The following PRKN variants were observed in gnomAD, a reference collection of about 807,000 sequenced individuals.
PRKN encodes E3 ubiquitin-protein ligase parkin.
A neutral mutation model predicts 59.5 loss-of-function variants in PRKN; 56 were observed. The ratio of observed to expected loss-of-function variants is 0.94; its 90% CI spans 0.76 to 1.18. The LOEUF (loss-of-function observed/expected upper bound fraction) is 1.18, where lower values mean the gene tolerates loss of function less well. Among genes scored for constraint, PRKN ranks in the 50% most tolerant of loss-of-function variants. The pLI is 0.00. For synonymous variants in PRKN, 250 were observed against 222.1 expected, an observed-to-expected ratio of 1.13 and a Z score of -1.12; for missense variants, 657 against 596.4, an observed-to-expected ratio of 1.10 and a Z score of -1.06.
At chr6:162,057,931 T>C (rs1278686144) in intron 4 of PRKN, among the ~76,000 whole-genome samples, 1 of 152,174 alleles carries the variant, frequency 6.6e-6, no homozygotes, top group Admixed American at 6.5e-5. Context: ...ACAGAGGATT[T>C]TAATTATGAT....
At chr6:161,749,696 G>A (rs535976538) in intron 7 of PRKN, among the ~76,000 whole-genome samples, 7 of 152,110 alleles carry the variant, frequency 4.6e-5, no homozygotes, top group African/African-American at 1.4e-4. Flanking sequence ...CTGTAGTGGG[G>A]AGGAGGGGAA....
intron 2 of PRKN, among the ~76,000 whole-genome samples, chr6:162,336,178 A>C (rs1275332957): frequency 2.0e-5 from 3 of 152,058 alleles, no homozygotes; most frequent in Admixed American, 2.0e-4. Flanking sequence ...CCACTTATCT[A>C]ATCAGGTGTT....
intron 6 of PRKN, among the ~76,000 whole-genome samples, chr6:161,882,454 C>T (rs1251379471): frequency 6.6e-6 from 1 of 152,148 alleles, no homozygotes; most frequent in Non-Finnish European, 1.5e-5. Context: ...TCCCTCCGGG[C>T]CTTCCTGCAG....
chr6:161,732,481 T>TGTGTGTGTG (rs1554298354), intron 7 of PRKN, among the ~76,000 whole-genome samples: 46 of 130,294 alleles, frequency 3.5e-4, no homozygotes, highest in African/African-American at 2.1e-3. Context: ...GAGGTTTTTT[T>TGTGTGTGTG]TTTTTGTGTG....
chr6:162,688,561 T>C (rs371423708), intron 1 of PRKN, among the ~76,000 whole-genome samples: 12 of 152,254 alleles, frequency 7.9e-5, no homozygotes, highest in African/African-American at 2.6e-4. Context: ...AAAACAAAAT[T>C]TAACTGTTAC....
chr6:162,489,235 A>G (rs1792696070), intron 1 of PRKN, among the ~76,000 whole-genome samples: 1 of 152,194 alleles, frequency 6.6e-6, no homozygotes, highest in African/African-American at 2.4e-5. Flanking sequence ...AATTCAGTTA[A>G]TCTCTATGAA....
chr6:162,581,176 A>G (rs768130764), intron 1 of PRKN, among the ~76,000 whole-genome samples: 2 of 152,202 alleles, frequency 1.3e-5, no homozygotes, highest in Non-Finnish European at 2.9e-5. Flanking sequence ...TCCTTTCCCC[A>G]AAAGAATACC....
intron 10 of PRKN, among the ~76,000 whole-genome samples, chr6:161,382,725 G>A (rs779114643): frequency 5.9e-5 from 9 of 152,196 alleles, no homozygotes; most frequent in Admixed American, 2.0e-4. Context: ...CAGTTTCAAC[G>A]TAAAGCTTGT....
chr6:162,432,184 G>A (rs982865093), intron 2 of PRKN, among the ~76,000 whole-genome samples: 6 of 152,084 alleles, frequency 3.9e-5, no homozygotes, highest in Non-Finnish European at 4.4e-5. Context: ...GAACTCACCA[G>A]CTATATACAA....
chr6:162,320,692 T>C (rs773123075), intron 2 of PRKN, among the ~76,000 whole-genome samples: 36 of 151,782 alleles, frequency 2.4e-4, no homozygotes, highest in Non-Finnish European at 1.2e-4. Flanking sequence ...AGGCTAATCA[T>C]ATACCTCATA....
chr6:162,216,197 A>G (rs1315786106), intron 3 of PRKN, among the ~76,000 whole-genome samples: 4 of 152,064 alleles, frequency 2.6e-5, no homozygotes, highest in Non-Finnish European at 5.9e-5. Flanking sequence ...TTCCAAACTA[A>G]TTAAACAATC....
intron 2 of PRKN, among the ~76,000 whole-genome samples, chr6:162,366,451 T>A (rs543670631): frequency 1.3e-5 from 2 of 152,268 alleles, no homozygotes; most frequent in South Asian, 4.1e-4. Context: ...TAAAAAATAG[T>A]CATGGTGGAC....
chr6:162,058,439 G>A (rs904833948), intron 4 of PRKN, among the ~76,000 whole-genome samples: 2 of 152,186 alleles, frequency 1.3e-5, no homozygotes, highest in Non-Finnish European at 2.9e-5. Flanking sequence ...AGATGCCTGT[G>A]CCAAGCTCTG....
chr6:161,822,245 G>C (rs756398652), intron 6 of PRKN, among the ~76,000 whole-genome samples: 4 of 152,128 alleles, frequency 2.6e-5, no homozygotes, highest in Admixed American at 6.5e-5. Flanking sequence ...CTAAACACTG[G>C]GCAAGGGGAC....
intron 7 of PRKN, among the ~76,000 whole-genome samples, chr6:161,615,184 T>C (rs759292719): frequency 6.6e-6 from 1 of 152,140 alleles, no homozygotes; most frequent in Admixed American, 6.6e-5. Context: ...GATAAGCATA[T>C]AGAGAGGGGT....
At chr6:162,284,225 T>TC (rs1447386062) in intron 2 of PRKN, among the ~76,000 whole-genome samples, 2 of 141,020 alleles carry the variant, frequency 1.4e-5, no homozygotes, top group African/African-American at 5.2e-5. Flanking sequence ...CTTTTTTTTT[T>TC]TTTTTTTTTT....
intron 7 of PRKN, among the ~76,000 whole-genome samples, chr6:161,721,479 T>G (rs1453773691): frequency 6.6e-6 from 1 of 151,870 alleles, no homozygotes; most frequent in Non-Finnish European, 1.5e-5. Context: ...CAGATCTACA[T>G]AGAGGACACT....
At chr6:162,467,960 G>C (rs1386448218) in intron 1 of PRKN, among the ~76,000 whole-genome samples, 1 of 152,160 alleles carries the variant, frequency 6.6e-6, no homozygotes, top group East Asian at 1.9e-4. Context: ...ACAGCCTCTA[G>C]AGAGTATCTC....
At chr6:161,366,982 C>CT (rs57164972) in intron 10 of PRKN, among the ~76,000 whole-genome samples, 3,252 of 91,924 alleles carry the variant, frequency 0.035, 584 homozygotes, top group African/African-American at 0.043. Flanking sequence ...TTTTTGTTTC[C>CT]TTTTTTTTTT....
Sources: allele counts gnomAD v4.1 joint callset (sites outside exome capture counted in the v4.1 genomes callset), GRCh38; gene constraint gnomAD v4.1.1; transcripts MANE v1.5; gene names NCBI Gene and HGNC (gene_info 2026-07-23, HGNC 2026-07-21).